The following RANBP2 variants were observed in gnomAD, a reference collection of about 807,000 sequenced individuals.
RANBP2 encodes the protein RAN binding protein 2, also known as E3 SUMO-protein ligase RanBP2.
Under a neutral mutation model 303.6 loss-of-function variants are expected in RANBP2, and 57 were observed. The ratio of observed to expected loss-of-function variants is 0.19; its 90% confidence interval spans 0.15 to 0.23. The LOEUF (loss-of-function observed/expected upper bound fraction) is 0.23, where lower values mean the gene tolerates loss of function less well. Among genes scored for constraint, RANBP2 ranks in the 10% least tolerant of loss-of-function variants. The pLI, the probability that RANBP2 is intolerant of heterozygous loss-of-function variation, is 1.00. For missense variants in RANBP2, 3,138 were observed against 3,780.8 expected (o/e 0.83, Z 4.46); for synonymous variants, 1,167 against 1,301.5 (o/e 0.90, Z 2.23).
At chr2:109,602,502 C>T in the RANBP2 span, among the ~76,000 whole-genome samples, 1 of 151,800 alleles carries the variant, frequency 6.6e-6, no homozygotes, top group South Asian at 2.1e-4. Flanking sequence ...ATGGTGAAAC[C>T]CCATCTCTAC....
the RANBP2 span, among the ~76,000 whole-genome samples, chr2:108,806,104 A>G: frequency 3.3e-5 from 5 of 152,154 alleles, no homozygotes; most frequent in East Asian, 3.9e-4. Flanking sequence ...GCAGTGATAC[A>G]TAGGTACCCT....
the RANBP2 span, among the ~76,000 whole-genome samples, chr2:109,066,569 C>T: frequency 1.5e-4 from 23 of 152,148 alleles, no homozygotes; most frequent in African/African-American, 4.8e-4. Flanking sequence ...CTGAAAGAAA[C>T]GCAGTTGGTG....
At chr2:109,727,292 A>T in the RANBP2 span, among the ~76,000 whole-genome samples, 1 of 152,162 alleles carries the variant, frequency 6.6e-6, no homozygotes, top group Admixed American at 6.5e-5. Flanking sequence ...CAGAGATACA[A>T]ATAACCTGTG....
At chr2:108,909,883 T>A in the RANBP2 span, among the ~76,000 whole-genome samples, 5 of 152,234 alleles carry the variant, frequency 3.3e-5, no homozygotes, top group African/African-American at 9.6e-5. Flanking sequence ...CCAGCCCTGC[T>A]GTTCACTAGT....
At chr2:109,028,768 AAGC>A in the RANBP2 span, among the ~76,000 whole-genome samples, 2 of 151,970 alleles carry the variant, frequency 1.3e-5, no homozygotes, top group Non-Finnish European at 2.9e-5. Context: ...CCTGGACCTA[AAGC>A]AGCAGAACAG....
chr2:108,724,813 C>T (rs1335105829), intron 1 of RANBP2, among the ~76,000 whole-genome samples: 7 of 151,510 alleles, frequency 4.6e-5, no homozygotes, highest in Non-Finnish European at 1.0e-4. Flanking sequence ...CCTGTATAAT[C>T]GCGGCCTTCA....
At chr2:108,843,878 G>T in the RANBP2 span, among the ~76,000 whole-genome samples, 14 of 44,174 alleles carry the variant, frequency 3.2e-4, 3 homozygotes, top group East Asian at 1.1e-3. Flanking sequence ...GTGTGTGTGT[G>T]TTTCTTTCTT....
the RANBP2 span, chr2:109,545,770 C>T: frequency 7.0e-7 from 1 of 1,427,280 alleles, no homozygotes; most frequent in Non-Finnish European, 9.1e-7. Flanking sequence ...CATTTTCCCC[C>T]AGCTAACTGA....
chr2:109,401,315 AG>A, the RANBP2 span, among the ~76,000 whole-genome samples: 6 of 152,222 alleles, frequency 3.9e-5, no homozygotes, highest in African/African-American at 1.4e-4. Context: ...AGCAGGTTTG[AG>A]GGGTACCCCT....
At chr2:109,173,679 C>T in the RANBP2 span, among the ~76,000 whole-genome samples, 6 of 152,242 alleles carry the variant, frequency 3.9e-5, no homozygotes, top group South Asian at 2.1e-4. Flanking sequence ...AGGAGACCCA[C>T]GGCAAAGACA....
At chr2:108,915,624 G>A in the RANBP2 span, among the ~76,000 whole-genome samples, 4 of 152,048 alleles carry the variant, frequency 2.6e-5, no homozygotes, top group Admixed American at 2.6e-4. Context: ...AGCTGCCCAG[G>A]CACGGTGGCT....
chr2:109,253,612 G>C, the RANBP2 span, among the ~76,000 whole-genome samples: 1 of 152,068 alleles, frequency 6.6e-6, no homozygotes, highest in Non-Finnish European at 1.5e-5. Flanking sequence ...ACAGTCTTTC[G>C]GTTTAGCCTG....
the RANBP2 span, among the ~76,000 whole-genome samples, chr2:109,390,208 A>G: frequency 6.6e-6 from 1 of 152,234 alleles, no homozygotes; most frequent in Non-Finnish European, 1.5e-5. Flanking sequence ...AAAGTGGAGA[A>G]TAAGTGATGC....
At chr2:108,921,338 T>C in the RANBP2 span, among the ~76,000 whole-genome samples, 2 of 152,192 alleles carry the variant, frequency 1.3e-5, no homozygotes. Context: ...GTGGGTGTCA[T>C]CCTCAGCCAG....
At chr2:109,600,850 G>A in the RANBP2 span, among the ~76,000 whole-genome samples, 5 of 152,078 alleles carry the variant, frequency 3.3e-5, no homozygotes, top group Non-Finnish European at 5.9e-5. Context: ...CCCCCATCTC[G>A]GGTTCAATTA....
the RANBP2 span, among the ~76,000 whole-genome samples, chr2:108,849,463 A>G: frequency 6.6e-6 from 1 of 152,062 alleles, no homozygotes; most frequent in Non-Finnish European, 1.5e-5. Context: ...GATTTCAGGA[A>G]TACTGCCTCC....
the RANBP2 span, among the ~76,000 whole-genome samples, chr2:109,154,629 C>T: frequency 2.0e-5 from 3 of 152,224 alleles, no homozygotes; most frequent in African/African-American, 7.2e-5. Context: ...TTTGTCCTGG[C>T]TTCTGGCCTC....
chr2:108,764,537 A>G lies in RANBP2; in HGVS notation c.3998A>G (p.Asp1333Gly). The stretch of plus-strand genomic sequence containing the variant: ...GAACCCACAAGTCATGATAACAAGG[A>G]TATTTGCAAATCTGATGCTGGAAAC... ...VKEPTSHDNK[D>G]ICKSDAGNLN... Residue 1333 changes from aspartate to glycine, a missense_variant, in exon 20 of 29, where the codon GAT becomes GGT. Physicochemically the swap from Asp to Gly is moderately conservative, Grantham distance 94 (BLOSUM62 -1). Around this residue, in one of 20 missense-constraint regions of RANBP2, gnomAD observed 388 missense variants for 328.5 expected, o/e 1.18. Coordinates refer to ENST00000283195, the MANE Select transcript of RANBP2 (RefSeq NM_006267.5). 1 of 1,614,012 alleles carries G rather than the reference A, an allele frequency of 6.2e-7. No individual in the cohort carries two copies. The highest frequency in any genetic ancestry group is 8.5e-7 in the Non-Finnish European group (1 of 1,179,968).
chr2:109,154,180 G>A, the RANBP2 span, among the ~76,000 whole-genome samples: 1 of 152,178 alleles, frequency 6.6e-6, no homozygotes, highest in Admixed American at 6.5e-5. Context: ...CCTACATGGG[G>A]CTCAGCAGAT....
Sources: gnomAD v4.1 joint callset for allele counts (sites outside exome capture counted in the v4.1 genomes callset) on GRCh38, gnomAD v4.1.1 for gene constraint, gnomAD v4.1.1 regional missense constraint, MANE v1.5 for transcripts, NCBI Gene and HGNC (gene_info 2026-07-23, HGNC 2026-07-21) for gene names.